The following LINGO1 variants were observed in gnomAD, a reference collection of about 807,000 sequenced individuals.
LINGO1 encodes leucine rich repeat and Ig domain containing 1, also known as leucine-rich repeat and immunoglobulin-like domain-containing nogo receptor-interacting protein 1.
A neutral mutation model predicts 37.3 loss-of-function variants in LINGO1; 11 were observed. The observed-to-expected ratio is 0.29, with a 90% CI of 0.19 to 0.49. LINGO1 has a LOEUF of 0.49. Among genes scored for constraint, LINGO1 ranks in the 20% least tolerant of loss-of-function variants. The pLI, the probability that LINGO1 is intolerant of heterozygous loss-of-function variation, is 0.99. For synonymous variants in LINGO1, 387 were observed against 403.0 expected, an observed-to-expected ratio of 0.96 and a Z score of 0.48; for missense variants, 585 against 878.2, an observed-to-expected ratio of 0.67 and a Z score of 4.22.
Position 77,664,170 on chromosome 15 carries a change from T to TGTGTGTGCGCGC in LINGO1, c.-13+12918_-13+12919insGCGCGCACACAC. ...GTGTGTGTGTGTGTGTGTGTGTGTG[T>TGTGTGTGCGCGC]GCGCGCGCGCATGCGTTTGCATTCT... On this transcript the variant is annotated intron_variant, in intron 3 of 3. Transcript: ENST00000559893. 2.3e-3 allele frequency among the ~76,000 whole-genome samples: 300 copies of TGTGTGTGCGCGC among 130,984 alleles called. 3 individuals carry two copies. The highest frequency in any genetic ancestry group is 0.011 in the African/African-American group (289 of 27,268). The allele number at this position is 130,984 out of a possible 152,430, so 85.9% of individuals were successfully genotyped here.
chr15:77,705,017 G>T (rs2075832303), intron 2 of LINGO1, among the ~76,000 whole-genome samples: 1 of 152,124 alleles, frequency 6.6e-6, no homozygotes, highest in African/African-American at 2.4e-5. Context: ...TTGTGGAGAA[G>T]TTGCTGGGTT....
At chr15:77,648,800 C>T (rs2074693887) in intron 3 of LINGO1, 1 of 152,306 alleles carries the variant, frequency 6.6e-6, no homozygotes, top group Non-Finnish European at 1.5e-5. Flanking sequence ...CCTTGTGCAC[C>T]CTGCTCTCCA....
At chr15:77,769,304 C>T (rs2076560533) in intron 1 of LINGO1, among the ~76,000 whole-genome samples, 1 of 152,246 alleles carries the variant, frequency 6.6e-6, no homozygotes. Context: ...AAACCCCACT[C>T]GTCCCATCCC....
chr15:77,750,609 C>T (rs1489428510), intron 1 of LINGO1, among the ~76,000 whole-genome samples: 1 of 152,192 alleles, frequency 6.6e-6, no homozygotes, highest in Non-Finnish European at 1.5e-5. Flanking sequence ...CCCACCCAAC[C>T]CCTTCCAGAA....
chr15:77,800,907 T>C (rs768976962), intron 1 of LINGO1, among the ~76,000 whole-genome samples: 20 of 152,162 alleles, frequency 1.3e-4, no homozygotes, highest in Non-Finnish European at 2.6e-4. Context: ...GGCCAATAAA[T>C]GCATGAAAAG....
chr15:77,683,795 T>G (rs2075456871), intron 2 of LINGO1, among the ~76,000 whole-genome samples: 1 of 151,636 alleles, frequency 6.6e-6, no homozygotes, highest in South Asian at 2.1e-4. Context: ...CTATATTGTT[T>G]CCGTTTTTTA....
At chr15:77,684,259 G>A (rs2075465968) in intron 2 of LINGO1, among the ~76,000 whole-genome samples, 1 of 152,188 alleles carries the variant, frequency 6.6e-6, no homozygotes, top group Admixed American at 6.5e-5. Context: ...GCCTTGCATT[G>A]TATTGACTCA....
At chr15:77,811,246 A>T (rs925690577) in intron 1 of LINGO1, among the ~76,000 whole-genome samples, 1 of 152,106 alleles carries the variant, frequency 6.6e-6, no homozygotes, top group Non-Finnish European at 1.5e-5. Flanking sequence ...CATTCTCCTA[A>T]ATTAAACAAT....
At chr15:77,641,688 C>T (rs1468735525) in intron 3 of LINGO1, 3 of 366,444 alleles carry the variant, frequency 8.2e-6, no homozygotes, top group Middle Eastern at 1.0e-3. Context: ...CCCCACACCC[C>T]GTCTCCCACC....
At chr15:77,703,329 T>C (rs1387902313) in intron 2 of LINGO1, among the ~76,000 whole-genome samples, 1 of 152,082 alleles carries the variant, frequency 6.6e-6, no homozygotes, top group Non-Finnish European at 1.5e-5. Context: ...GTGCCTAGAG[T>C]CCCACTCTTA....
intron 2 of LINGO1, among the ~76,000 whole-genome samples, chr15:77,705,845 C>A (rs954139881): frequency 3.3e-5 from 5 of 152,136 alleles, no homozygotes; most frequent in African/African-American, 1.2e-4. Context: ...AGGTGAAGAC[C>A]ACCACGGTCA....
At chr15:77,651,510 A>G (rs528307053) in intron 3 of LINGO1, 19 of 152,372 alleles carry the variant, frequency 1.2e-4, no homozygotes, top group African/African-American at 4.6e-4. Context: ...GTCAAATGAC[A>G]AAAGCCTAAA....
At position 77,613,942 on chromosome 15, in the gene LINGO1, G is replaced by C; in HGVS notation, c.*102C>G. 1.0e-6 allele frequency: 1 copy of C among 958,468 alleles called. No individual in the cohort carries two copies. Among genetic ancestry groups the C allele is most frequent in the Non-Finnish European group, 1.5e-6 (1 of 653,690 alleles). The allele number at this position is 958,468 out of a possible 1,614,324, so 59.4% of individuals were successfully genotyped here. ...GGGAGGGAGAAAGAGAACGTGTGTA[G>C]AAGGGTAGGGAGGAGGTGGGAAGGA... is the stretch of plus-strand genomic sequence containing the variant. On this transcript the variant is annotated 3_prime_UTR_variant, in exon 2 of 2. Coordinates refer to ENST00000355300, the MANE Select transcript of LINGO1 (RefSeq NM_032808.7).
intron 2 of LINGO1, among the ~76,000 whole-genome samples, chr15:77,716,280 CTTTTTTTTTT>C (rs5813879): frequency 8.4e-6 from 1 of 119,266 alleles, no homozygotes; most frequent in African/African-American, 3.1e-5. Flanking sequence ...TCTTCTTCTT[CTTTTTTTTTT>C]TTTTTTTTGA....
At chr15:77,672,305 A>G (rs2075264833) in intron 3 of LINGO1, among the ~76,000 whole-genome samples, 1 of 151,798 alleles carries the variant, frequency 6.6e-6, no homozygotes, top group Non-Finnish European at 1.5e-5. Context: ...CCCAACCCAG[A>G]TACACATCAC....
intron 1 of LINGO1, among the ~76,000 whole-genome samples, chr15:77,626,122 G>A (rs1437398271): frequency 3.3e-5 from 5 of 152,084 alleles, no homozygotes; most frequent in Non-Finnish European, 7.4e-5. Flanking sequence ...AGGCCCAGGA[G>A]CATCAGGGAC....
At chr15:77,623,531 A>G (rs2073987893) in intron 1 of LINGO1, among the ~76,000 whole-genome samples, 1 of 152,186 alleles carries the variant, frequency 6.6e-6, no homozygotes, top group Admixed American at 6.5e-5. Flanking sequence ...CTCCTGGCCC[A>G]TGGGGAGGTG....
intron 3 of LINGO1, among the ~76,000 whole-genome samples, chr15:77,653,661 G>A (rs914807226): frequency 1.3e-5 from 2 of 152,136 alleles, no homozygotes; most frequent in African/African-American, 4.8e-5. Context: ...TGCCTTAGCT[G>A]CCACCATGCC....
intron 1 of LINGO1, among the ~76,000 whole-genome samples, chr15:77,744,840 G>A (rs1357970390): frequency 6.6e-6 from 1 of 152,178 alleles, no homozygotes; most frequent in African/African-American, 2.4e-5. Context: ...TCCTAGCCGG[G>A]CACAGTGGCT....
Sources: allele counts gnomAD v4.1 joint callset (sites outside exome capture counted in the v4.1 genomes callset), GRCh38; gene constraint gnomAD v4.1.1; transcripts MANE v1.5; gene names NCBI Gene and HGNC (gene_info 2026-07-23, HGNC 2026-07-21).